NLGN1: variants seen among roughly 807,000 people sequenced by gnomAD.
NLGN1 encodes neuroligin 1, also known as neuroligin-1.
Under a neutral mutation model 65.5 loss-of-function variants are expected in NLGN1, and 12 were observed. The observed-to-expected ratio is 0.18, with a 90% CI of 0.12 to 0.30. NLGN1 has a LOEUF of 0.30. NLGN1 is among the 10% of genes least tolerant of loss of function. The pLI is 1.00. For missense variants in NLGN1, 750 were observed against 1,007.1 expected, an observed-to-expected ratio of 0.74 and a Z score of 3.46; for synonymous variants, 350 against 359.5, an observed-to-expected ratio of 0.97 and a Z score of 0.30.
rs1228054126 is a variant in NLGN1 at position 173,605,521 on chromosome 3, A to G, written c.493+430A>G. The G allele has an allele frequency of 6.3e-6, 8 of 1,275,864 alleles. No homozygotes were observed. In the Admixed American group the frequency reaches 1.1e-4, roughly 18 times the overall value. The allele number at this position is 1,275,864 out of a possible 1,614,324, so 79.0% of individuals were successfully genotyped here. ...GCGCCATGTTATTTTCTAGTCTTCT[A>G]TTCATTTTTCAGTAAAAAGAATATC... is the stretch of plus-strand genomic sequence containing the variant. On this transcript the variant is annotated intron_variant, in intron 3 of 6. Transcript: ENST00000457714.
At chr3:173,539,639 T>TGTAC (rs1469833657) in intron 2 of NLGN1, among the ~76,000 whole-genome samples, 3 of 102,404 alleles carry the variant, frequency 2.9e-5, no homozygotes, top group Non-Finnish European at 5.9e-5. Flanking sequence ...TATACACATA[T>TGTAC]ATACATATAT....
intron 3 of NLGN1, among the ~76,000 whole-genome samples, chr3:173,743,374 G>A (rs965567744): frequency 6.6e-6 from 1 of 152,016 alleles, no homozygotes; most frequent in Admixed American, 6.6e-5. Context: ...CTAAGCACCA[G>A]CAGCTCAAGG....
intron 3 of NLGN1, 122 bp downstream of exon 2, chr3:173,605,213 T>C: frequency 1.3e-6 from 1 of 760,868 alleles, no homozygotes; most frequent in East Asian, 2.8e-5. Context: ...CATGTAGACA[T>C]ATTTTACATG....
At chr3:173,899,731 G>A (rs1229261291) in intron 4 of NLGN1, among the ~76,000 whole-genome samples, 2 of 152,072 alleles carry the variant, frequency 1.3e-5, no homozygotes, top group African/African-American at 4.8e-5. Context: ...GTGTTGAGTA[G>A]TTATCAAACA....
At chr3:173,526,412 T>G (rs1280142763) in intron 2 of NLGN1, among the ~76,000 whole-genome samples, 1 of 152,142 alleles carries the variant, frequency 6.6e-6, no homozygotes, top group Non-Finnish European at 1.5e-5. Flanking sequence ...TTTTTAAATT[T>G]CCATTTGTGT....
At chr3:174,015,304 C>G (rs934482215) in intron 4 of NLGN1, among the ~76,000 whole-genome samples, 1 of 152,114 alleles carries the variant, frequency 6.6e-6, no homozygotes, top group Non-Finnish European at 1.5e-5. Flanking sequence ...ATTTATTTCT[C>G]ACAGTTCTGG....
chr3:174,229,631 G>A (rs1740332528), intron 4 of NLGN1, among the ~76,000 whole-genome samples: 1 of 152,152 alleles, frequency 6.6e-6, no homozygotes, highest in Non-Finnish European at 1.5e-5. Context: ...AAAACTGGCA[G>A]ATATATGTAT....
intron 2 of NLGN1, among the ~76,000 whole-genome samples, chr3:173,493,313 G>C (rs193182065): frequency 6.6e-6 from 1 of 151,804 alleles, no homozygotes; most frequent in Admixed American, 6.6e-5. Context: ...TTGCCTACTA[G>C]TGAAGGGACT....
chr3:173,916,261 A>G (rs1740703535), intron 4 of NLGN1, among the ~76,000 whole-genome samples: 1 of 152,162 alleles, frequency 6.6e-6, no homozygotes, highest in Non-Finnish European at 1.5e-5. Context: ...CTACCCTACT[A>G]TTGCTGAGTT....
At chr3:173,605,153 A>G in intron 3 of NLGN1, 62 bp downstream of exon 2, 3 of 1,349,676 alleles carry the variant, frequency 2.2e-6, no homozygotes, top group Non-Finnish European at 3.0e-6. Context: ...TCTAAGTTCT[A>G]ACAATATTAA....
At chr3:173,541,497 A>G (rs1171304655) in intron 2 of NLGN1, among the ~76,000 whole-genome samples, 1 of 152,144 alleles carries the variant, frequency 6.6e-6, no homozygotes, top group Admixed American at 6.6e-5. Flanking sequence ...CATATTGTCT[A>G]TGATTCATGA....
At chr3:173,774,427 C>T (rs1462518423) in intron 3 of NLGN1, among the ~76,000 whole-genome samples, 1 of 152,202 alleles carries the variant, frequency 6.6e-6, no homozygotes, top group Non-Finnish European at 1.5e-5. Context: ...ATCTTTTCCA[C>T]ACAAACTCCT....
At chr3:174,162,518 C>A (rs1034440525) in intron 4 of NLGN1, among the ~76,000 whole-genome samples, 1 of 151,870 alleles carries the variant, frequency 6.6e-6, no homozygotes, top group Non-Finnish European at 1.5e-5. Context: ...TTTTTAAGAG[C>A]AACTGCTATC....
At chr3:173,557,219 A>T (rs978032916) in intron 2 of NLGN1, among the ~76,000 whole-genome samples, 3 of 152,082 alleles carry the variant, frequency 2.0e-5, no homozygotes, top group Non-Finnish European at 4.4e-5. Context: ...TGTTACTTTT[A>T]TCTCTGATAA....
intron 5 of NLGN1, among the ~76,000 whole-genome samples, chr3:174,278,265 A>C (rs1750951329): frequency 6.6e-6 from 1 of 151,994 alleles, no homozygotes; most frequent in Non-Finnish European, 1.5e-5. Context: ...GTCTGACATG[A>C]AGATCTGGAA....
chr3:174,084,478 G>T (rs924446770), intron 4 of NLGN1, among the ~76,000 whole-genome samples: 1 of 151,972 alleles, frequency 6.6e-6, no homozygotes, highest in Admixed American at 6.6e-5. Flanking sequence ...AAATGAGGAA[G>T]AAAAATCAAC....
intron 4 of NLGN1, among the ~76,000 whole-genome samples, chr3:173,820,162 G>C (rs1416694637): frequency 7.2e-6 from 1 of 138,564 alleles, no homozygotes. Flanking sequence ...CTGGGAGAGA[G>C]AGCGAGATTC....
In NLGN1 at chr3:174,280,144, C is replaced by CTT. The variant is rs1216281531; in HGVS notation, c.1650-335_1650-334dup. Among the ~76,000 whole-genome samples, 1 of 151,952 alleles carries CTT rather than the reference C, an allele frequency of 6.6e-6. No individual in the cohort carries two copies. The highest frequency in any genetic ancestry group is 2.4e-5 in the African/African-American group (1 of 41,400). Reference sequence around the variant, plus strand: ...ATCTGCTAATTTAAAATCAAAAATCCTTTCCACTATTCCATGTCATCTCTG... The same window carrying CTT: ...ATCTGCTAATTTAAAATCAAAAATCCTTTTTCCACTATTCCATGTCATCTCTG... On this transcript the variant is annotated intron_variant, in intron 6 of 6. Transcript: ENST00000457714. This position sits in a 1 kb window ranked among gnomAD's most constrained non-coding sequence, Gnocchi z 4.9.
At chr3:173,574,121 G>A (rs1745133086) in intron 2 of NLGN1, among the ~76,000 whole-genome samples, 1 of 148,996 alleles carries the variant, frequency 6.7e-6, no homozygotes, top group South Asian at 2.1e-4. Flanking sequence ...ATTATATCAT[G>A]AAAGTTCATT....
Sources: allele counts gnomAD v4.1 joint callset (sites outside exome capture counted in the v4.1 genomes callset), GRCh38; gene constraint gnomAD v4.1.1; non-coding constraint Gnocchi (gnomAD v3.1); transcripts MANE v1.5; gene names NCBI Gene and HGNC (gene_info 2026-07-23, HGNC 2026-07-21).